The following DCAF8L2 variants were observed in gnomAD, a reference collection of about 807,000 sequenced individuals.
DCAF8L2 encodes DDB1- and CUL4-associated factor 8-like protein 2.
For missense variants in DCAF8L2, 430 were observed against 490.7 expected, an observed-to-expected ratio of 0.88 and a Z score of 1.17; for synonymous variants, 200 against 190.9, an observed-to-expected ratio of 1.05 and a Z score of -0.39.
the DCAF8L2 span, among the ~76,000 whole-genome samples, chrX:27,526,157 G>T: frequency 8.9e-6 from 1 of 111,785 alleles, no homozygotes; most frequent in Non-Finnish European, 1.9e-5. Flanking sequence ...TCACTTTCAG[G>T]TACACCAATC....
intron 3 of DCAF8L2, among the ~76,000 whole-genome samples, chrX:27,684,703 T>C (rs1930442363): frequency 8.9e-6 from 1 of 111,814 alleles, no homozygotes; most frequent in Non-Finnish European, 1.9e-5. Context: ...CTTAATATAA[T>C]GTTCTACATG....
chrX:27,605,992 CACTTCCTTGAGGGAAAGAGTCTG>C (rs1157896137), intron 1 of DCAF8L2, among the ~76,000 whole-genome samples: 59 of 108,346 alleles, frequency 5.4e-4, no homozygotes, highest in African/African-American at 1.9e-3. Context: ...AATTTGGTAC[CACTTCCTTGAGGGAAAGAGTCTG>C]TTGAATAGAT....
At chrX:27,560,636 A>T in the DCAF8L2 span, among the ~76,000 whole-genome samples, 1 of 112,201 alleles carries the variant, frequency 8.9e-6, no homozygotes, top group Admixed American at 9.4e-5. Context: ...GGGTTTACTC[A>T]GTCAGATTTG....
the DCAF8L2 span, among the ~76,000 whole-genome samples, chrX:27,491,244 A>G: frequency 1.8e-5 from 2 of 112,456 alleles, no homozygotes; most frequent in Admixed American, 9.4e-5. Flanking sequence ...TTGTACAGAT[A>G]CTTTCCTCCA....
intron 3 of DCAF8L2, among the ~76,000 whole-genome samples, chrX:27,692,026 G>T (rs1930730606): frequency 8.9e-6 from 1 of 111,768 alleles, no homozygotes. Flanking sequence ...TGATGTGGTT[G>T]AATATATTTT....
At chrX:27,590,121 T>A (rs1288372421), upstream of DCAF8L2, among the ~76,000 whole-genome samples, 1 of 111,070 alleles carries the variant, frequency 9.0e-6, no homozygotes, top group Non-Finnish European at 1.9e-5. Flanking sequence ...TGAATTAATT[T>A]AGGTTTTTTT....
intron 4 of DCAF8L2, among the ~76,000 whole-genome samples, chrX:27,735,888 TAAATATTTA>T (rs1921491367): frequency 8.9e-6 from 1 of 111,855 alleles, no homozygotes; most frequent in Non-Finnish European, 1.9e-5. Context: ...GAATTCTGAT[TAAATATTTA>T]AAATATTAAG....
At chrX:27,739,608 T>G (rs1921736008) in intron 4 of DCAF8L2, among the ~76,000 whole-genome samples, 1 of 111,899 alleles carries the variant, frequency 8.9e-6, no homozygotes, top group Non-Finnish European at 1.9e-5. Context: ...ATATCTATAT[T>G]TATAATCTTT....
At chrX:27,583,030 C>G in the DCAF8L2 span, among the ~76,000 whole-genome samples, 1 of 111,661 alleles carries the variant, frequency 9.0e-6, no homozygotes, top group Non-Finnish European at 1.9e-5. Context: ...TGGATCTCGT[C>G]TGTAGCAATT....
At chrX:27,734,360 G>A (rs773326736) in intron 4 of DCAF8L2, among the ~76,000 whole-genome samples, 4 of 110,454 alleles carry the variant, frequency 3.6e-5, no homozygotes, top group Non-Finnish European at 7.6e-5. Flanking sequence ...GTCCAAGCAC[G>A]TTAACAAAAA....
intron 1 of DCAF8L2, among the ~76,000 whole-genome samples, chrX:27,593,099 A>G (rs1374771918): frequency 8.9e-6 from 1 of 111,819 alleles, no homozygotes; most frequent in African/African-American, 3.3e-5. Flanking sequence ...GTGCCCAGCC[A>G]TCTCAACCAT....
the DCAF8L2 span, among the ~76,000 whole-genome samples, chrX:27,474,075 G>C: frequency 1.8e-5 from 2 of 110,748 alleles, no homozygotes; most frequent in African/African-American, 6.6e-5. Context: ...TGTGTCCCTC[G>C]GGTATTCTCA....
In DCAF8L2 at chrX:27,746,843, T is replaced by C; in HGVS notation, c.-53T>C. 1 of 1,120,804 alleles carries C rather than the reference T, an allele frequency of 8.9e-7. No homozygotes were observed. The highest frequency in any genetic ancestry group is 2.2e-5 in the South Asian group (1 of 45,836). The allele number at this position is 1,120,804 out of a possible 1,213,427, so 92.4% of individuals were successfully genotyped here. ...CAGGCCAACTTTCTTCCCAGAGCTT[T>C]TAGGGGCCTGGCCTTTGCAGTTCCA... is the stretch of plus-strand genomic sequence containing the variant. On this transcript the variant is annotated 5_prime_UTR_variant, in exon 5 of 5. Coordinates refer to ENST00000451261, the MANE Select transcript of DCAF8L2 (RefSeq NM_001353450.2).
chrX:27,680,316 C>A (rs2147239404), intron 3 of DCAF8L2, among the ~76,000 whole-genome samples: 1 of 111,235 alleles, frequency 9.0e-6, no homozygotes, highest in South Asian at 3.8e-4. Context: ...TACAATGTAG[C>A]TGAGTTAGAA....
the DCAF8L2 span, among the ~76,000 whole-genome samples, chrX:27,534,359 C>A: frequency 4.5e-5 from 5 of 111,687 alleles, no homozygotes; most frequent in Non-Finnish European, 9.4e-5. Flanking sequence ...TCAAAAGTCC[C>A]AGATAGTTCA....
the DCAF8L2 span, among the ~76,000 whole-genome samples, chrX:27,512,779 CAAAAAAAAAAAAA>C: frequency 2.2e-4 from 4 of 18,550 alleles, no homozygotes; most frequent in Non-Finnish European, 2.6e-4. Flanking sequence ...CAATCTTGAG[CAAAAAAAAAAAAA>C]AAAAAAAAAA....
intron 4 of DCAF8L2, among the ~76,000 whole-genome samples, chrX:27,740,383 C>T (rs936116144): frequency 2.7e-5 from 3 of 112,263 alleles, no homozygotes; most frequent in Non-Finnish European, 5.6e-5. Context: ...GCTCTCTCTT[C>T]TCCTCCCATG....
In DCAF8L2 at chrX:27,748,516, A is replaced by G. The variant is rs1451417966; in HGVS notation, c.1621A>G (p.Thr541Ala). 8.3e-7 allele frequency: 1 copy of G among 1,211,358 alleles called. No individual in the cohort carries two copies. The highest frequency in any genetic ancestry group is 3.0e-5 in the East Asian group (1 of 33,840). ...SGLDHDVKIW[T>A]PTAKAATELT... ...CCTAGATCATGATGTCAAGATCTGG[A>G]CACCCACAGCTAAAGCTGCCACTGA... Residue 541 changes from threonine to alanine, a missense_variant, in exon 5 of 5, where the codon ACA becomes GCA. By Grantham distance (58) the Thr-to-Ala change is moderately conservative. Transcript: ENST00000451261.
the DCAF8L2 span, among the ~76,000 whole-genome samples, chrX:27,552,506 C>A: frequency 3.6e-5 from 4 of 111,558 alleles, no homozygotes; most frequent in African/African-American, 1.3e-4. Context: ...TTTCATTTTT[C>A]TGCATATGAA....
Sources: gnomAD v4.1 joint callset for allele counts (sites outside exome capture counted in the v4.1 genomes callset) on GRCh38, gnomAD v4.1.1 for gene constraint, MANE v1.5 for transcripts, NCBI Gene and HGNC (gene_info 2026-07-23, HGNC 2026-07-21) for gene names.